The following OVOL2 variants were observed in gnomAD, a reference collection of about 807,000 sequenced individuals.
OVOL2 encodes ovo like zinc finger 2, also known as transcription factor Ovo-like 2.
OVOL2 carries 13 observed loss-of-function variants against 18.1 expected under a neutral mutation model. The observed-to-expected ratio is 0.72, with a 90% CI of 0.47 to 1.14. The LOEUF (loss-of-function observed/expected upper bound fraction) is 1.14. OVOL2 is among the 50% of genes most tolerant of loss of function. OVOL2 has a pLI of 0.00. For synonymous variants in OVOL2, 166 were observed against 162.7 expected (o/e 1.02, Z -0.16); for missense variants, 335 against 383.0 (o/e 0.87, Z 1.05).
intron 3 of OVOL2, among the ~76,000 whole-genome samples, chr20:18,039,618 AAAAAGAAAG>A (rs2036650874): frequency 6.7e-6 from 1 of 148,870 alleles, no homozygotes; most frequent in East Asian, 2.1e-4. Context: ...AAAAAAAAAA[AAAAAGAAAG>A]AAAGAAAGAA....
At chr20:18,048,665 C>A (rs181374409) in intron 2 of OVOL2, among the ~76,000 whole-genome samples, 2 of 152,310 alleles carry the variant, frequency 1.3e-5, no homozygotes, top group Middle Eastern at 3.4e-3. Flanking sequence ...CGAGATAGCA[C>A]CACTGCATTC....
At chr20:18,026,703 G>A (rs952092964) in intron 3 of OVOL2, among the ~76,000 whole-genome samples, 1 of 152,050 alleles carries the variant, frequency 6.6e-6, no homozygotes, top group Non-Finnish European at 1.5e-5. Context: ...TTTAACAAAC[G>A]TCGCTGGATA....
intron 3 of OVOL2, among the ~76,000 whole-genome samples, chr20:18,025,772 A>C (rs2036508171): frequency 6.6e-6 from 1 of 152,226 alleles, no homozygotes; most frequent in African/African-American, 2.4e-5. Flanking sequence ...CAACGCAGGG[A>C]GACAGTGTGG....
intron 2 of OVOL2, among the ~76,000 whole-genome samples, chr20:18,053,159 G>T (rs1040833385): frequency 1.3e-5 from 2 of 152,180 alleles, no homozygotes; most frequent in Admixed American, 1.3e-4. Flanking sequence ...CCATCAACAC[G>T]ATCAAGTTAG....
intron 3 of OVOL2, among the ~76,000 whole-genome samples, chr20:18,028,307 G>A (rs2036538030): frequency 6.6e-6 from 1 of 151,642 alleles, no homozygotes; most frequent in South Asian, 2.1e-4. Context: ...CTCCCAAGTA[G>A]CTGCGACTAC....
intron 3 of OVOL2, among the ~76,000 whole-genome samples, chr20:18,028,834 G>T (rs1405161684): frequency 6.6e-6 from 1 of 151,498 alleles, no homozygotes; most frequent in Non-Finnish European, 1.5e-5. Flanking sequence ...ATAACAAAAG[G>T]TTACTATTAA....
Position 18,057,659 on chromosome 20 carries a change from G to T in OVOL2, c.-25C>A. The T allele has an allele frequency of 1.3e-6, 2 of 1,547,808 alleles. No individual in the cohort carries two copies. Among genetic ancestry groups the T allele is most frequent in the Non-Finnish European group, 1.7e-6 (2 of 1,145,912 alleles). On this transcript the variant is annotated 5_prime_UTR_variant, in exon 1 of 4. Transcript: ENST00000278780. This position sits in a 1 kb window ranked among gnomAD's most constrained non-coding sequence, Gnocchi z 6.3. Reference sequence around the variant, plus strand: ...TGGTGGGGTCCCCTCTCCCGACTGCGGCCCCCTCCTCCCGGCTGCTCCCCG... The same window carrying T: ...TGGTGGGGTCCCCTCTCCCGACTGCTGCCCCCTCCTCCCGGCTGCTCCCCG...
chr20:18,057,499 G>T lies in OVOL2; in HGVS notation c.100+36C>A, dbSNP rs115874782. ...CGCCACCCCTTCCCCCACCCCGGGAGCCCAGCGCCCAGGCCCGGCCCCCGC... is the reference window on the plus strand; with the variant it reads ...CGCCACCCCTTCCCCCACCCCGGGATCCCAGCGCCCAGGCCCGGCCCCCGC... On this transcript the variant is annotated intron_variant, in intron 1 of 3. Transcript: ENST00000278780. This position sits in a 1 kb window ranked among gnomAD's most constrained non-coding sequence, Gnocchi z 6.3. 1,310 of 1,543,972 alleles carry T rather than the reference G, an allele frequency of 8.5e-4. 16 individuals are homozygous for T. In the African/African-American group the frequency reaches 0.015, roughly 18 times the overall value.
intron 3 of OVOL2, among the ~76,000 whole-genome samples, chr20:18,038,995 G>A (rs1292645230): frequency 6.6e-6 from 1 of 152,140 alleles, no homozygotes; most frequent in Non-Finnish European, 1.5e-5. Context: ...GACTCACAGA[G>A]GTCAAACTTT....
chr20:18,041,528 G>C lies in OVOL2; in HGVS notation c.511+6C>G. The C allele has an allele frequency of 1.2e-6, 2 of 1,606,722 alleles. No individual in the cohort carries two copies. The highest frequency in any genetic ancestry group is 2.2e-5 in the South Asian group (2 of 90,862). ...ACAGAGAACAAAGCACGCACTCCCC[G>C]CTCACCTGTGTGTGTGCGGACGTGC... is the stretch of plus-strand genomic sequence containing the variant. On this transcript the variant is annotated splice_donor_region_variant and intron_variant, in intron 3 of 3. Transcript: ENST00000278780.
At chr20:18,047,006 T>TGTCACAA (rs2036729003) in intron 2 of OVOL2, among the ~76,000 whole-genome samples, 1 of 151,630 alleles carries the variant, frequency 6.6e-6, no homozygotes, top group African/African-American at 2.4e-5. Flanking sequence ...AACATCCCTA[T>TGTCACAA]GTCACAATTT....
chr20:18,044,568 T>C (rs1122812), intron 2 of OVOL2, among the ~76,000 whole-genome samples: 9,404 of 152,234 alleles, frequency 0.062, 343 homozygotes, highest in African/African-American at 0.089. Context: ...CCAGCTAACA[T>C]TGATAAGTCC....
chr20:18,042,224 C>A (rs1470197883), intron 2 of OVOL2, among the ~76,000 whole-genome samples: 1 of 152,022 alleles, frequency 6.6e-6, no homozygotes, highest in Non-Finnish European at 1.5e-5. Context: ...GTTGCTCCCA[C>A]TTTTTATTCT....
At chr20:18,038,159 G>A (rs1160829519) in intron 3 of OVOL2, among the ~76,000 whole-genome samples, 4 of 152,162 alleles carry the variant, frequency 2.6e-5, no homozygotes, top group Non-Finnish European at 5.9e-5. Flanking sequence ...ACAGTCAGAT[G>A]TCTGAGTTAT....
intron 3 of OVOL2, 99 bp from the exon 4 acceptor site, chr20:18,025,051 C>T (rs2036500104): frequency 1.5e-6 from 2 of 1,366,534 alleles, no homozygotes; most frequent in Non-Finnish European, 2.0e-6. Context: ...ACCAAGGATT[C>T]ATGGCAGCAT....
At chr20:18,055,921 TG>T (rs34258700) in intron 2 of OVOL2, among the ~76,000 whole-genome samples, 1 of 152,190 alleles carries the variant, frequency 6.6e-6, no homozygotes, top group Non-Finnish European at 1.5e-5. Context: ...CAGACCATCA[TG>T]GAAGTTCTGC....
intron 3 of OVOL2, among the ~76,000 whole-genome samples, chr20:18,029,095 C>T (rs751917647): frequency 3.3e-5 from 5 of 152,042 alleles, no homozygotes; most frequent in African/African-American, 4.8e-5. Flanking sequence ...GGCACAATGT[C>T]GGCTCACTGC....
At chr20:18,036,861 G>A (rs1385587143) in intron 3 of OVOL2, among the ~76,000 whole-genome samples, 2 of 152,188 alleles carry the variant, frequency 1.3e-5, no homozygotes, top group African/African-American at 4.8e-5. Context: ...AACAGGCCGG[G>A]CGCGGTGGCT....
chr20:18,044,330 C>G lies in OVOL2; in HGVS notation c.322-2607G>C, dbSNP rs562701865. ...CACACAGTTCATCTTGTTTTCTCAA[C>G]TCAACACTTTGAGGATGGTCAGCAA... On this transcript the variant is annotated intron_variant, in intron 2 of 3. Coordinates refer to ENST00000278780, the MANE Select transcript of OVOL2 (RefSeq NM_021220.4). Among the ~76,000 whole-genome samples the G allele has an allele frequency of 5.9e-5, 9 of 152,170 alleles. No homozygotes were observed. The South Asian group carries it at 1.9e-3, about 32-fold the overall frequency.
Sources: allele counts gnomAD v4.1 joint callset (sites outside exome capture counted in the v4.1 genomes callset), GRCh38; gene constraint gnomAD v4.1.1; non-coding constraint Gnocchi (gnomAD v3.1); transcripts MANE v1.5; gene names NCBI Gene and HGNC (gene_info 2026-07-23, HGNC 2026-07-21).